Variants in FSIP1 observed in about 807,000 individuals in gnomAD.
The protein encoded by FSIP1 is fibrous sheath-interacting protein 1.
In FSIP1, 65 loss-of-function variants were observed where a neutral mutation model predicts 60.9. The ratio of observed to expected loss-of-function variants is 1.07; its 90% CI spans 0.87 to 1.31. The LOEUF (loss-of-function observed/expected upper bound fraction) is 1.31. Ranked by LOEUF, FSIP1 falls within the 40% of genes most tolerant of loss-of-function variation. The pLI is 0.00. For missense variants in FSIP1, 675 were observed against 665.5 expected (o/e 1.01, Z -0.16); for synonymous variants, 209 against 221.2 (o/e 0.94, Z 0.49).
At chr15:39,726,241 C>G (rs16969724) in intron 9 of FSIP1, among the ~76,000 whole-genome samples, 18,078 of 152,122 alleles carry the variant, frequency 0.12, 1,312 homozygotes, top group African/African-American at 0.2. Flanking sequence ...CAATGGCTGT[C>G]ATTGCTAATA....
chr15:39,611,841 A>T (rs1283503588), intron 11 of FSIP1, among the ~76,000 whole-genome samples: 1 of 152,246 alleles, frequency 6.6e-6, no homozygotes, highest in Non-Finnish European at 1.5e-5. Flanking sequence ...CATGCAAATG[A>T]AAACCAAAAG....
chr15:39,708,149 T>C lies in FSIP1; in HGVS notation c.1188+5295A>G, dbSNP rs930127466. Among the ~76,000 whole-genome samples, 68 of 152,174 alleles carry C rather than the reference T, an allele frequency of 4.5e-4. 3 individuals carry two copies. The highest frequency in any genetic ancestry group is 2.1e-4 in the South Asian group (1 of 4,828). On this transcript the variant is annotated intron_variant, in intron 10 of 11. Transcript: ENST00000350221. ...AACCTGGTGGAAAAACTCTTATCCA[T>C]GGCTAAAGCCACTACACCTAATACC...
At chr15:39,713,333 G>T in intron 10 of FSIP1, 111 bp downstream of exon 10, 1 of 892,612 alleles carries the variant, frequency 1.1e-6, no homozygotes, top group Non-Finnish European at 1.7e-6. Flanking sequence ...TTGGCAGGCT[G>T]AGGTGGGCAG....
At chr15:39,743,367 G>A (rs1011355832) in intron 5 of FSIP1, among the ~76,000 whole-genome samples, 3 of 152,136 alleles carry the variant, frequency 2.0e-5, no homozygotes, top group Non-Finnish European at 4.4e-5. Context: ...GCCATCAATC[G>A]GCTTTGAGTT....
At position 39,710,324 on chromosome 15, in the gene FSIP1, T is replaced by C. The variant is rs568243035; in HGVS notation, c.1188+3120A>G. 4.0e-5 allele frequency among the ~76,000 whole-genome samples: 6 copies of C among 149,924 alleles called. No homozygotes were observed. In the South Asian group the frequency reaches 1.3e-3, roughly 31 times the overall value. ...AAGGCAAACCCCCGTCTCTCCTAAA[T>C]ATAAAAAAATTAGCTGGTCATGGTG... is the stretch of plus-strand genomic sequence containing the variant. On this transcript the variant is annotated intron_variant, in intron 10 of 11. Transcript: ENST00000350221.
At chr15:39,732,235 C>A (rs1429474108) in intron 8 of FSIP1, among the ~76,000 whole-genome samples, 1 of 152,202 alleles carries the variant, frequency 6.6e-6, no homozygotes, top group Admixed American at 6.5e-5. Flanking sequence ...TCATCCCCTC[C>A]GGCTGTGCAG....
chr15:39,603,864 C>G (rs1278555589), intron 11 of FSIP1, among the ~76,000 whole-genome samples: 1 of 152,212 alleles, frequency 6.6e-6, no homozygotes, highest in Non-Finnish European at 1.5e-5. Context: ...GCTTCTCACT[C>G]TGTAACATGC....
intron 11 of FSIP1, among the ~76,000 whole-genome samples, chr15:39,610,313 T>C (rs1250905011): frequency 2.6e-5 from 4 of 152,278 alleles, no homozygotes; most frequent in East Asian, 1.9e-4. Context: ...CATCCAGGTA[T>C]AGAAAGCTCA....
intron 5 of FSIP1, among the ~76,000 whole-genome samples, chr15:39,744,626 G>C (rs1006429782): frequency 6.6e-6 from 1 of 152,104 alleles, no homozygotes; most frequent in Non-Finnish European, 1.5e-5. Context: ...GAACTGAGGG[G>C]AGACCCCGCA....
intron 5 of FSIP1, among the ~76,000 whole-genome samples, chr15:39,754,003 A>T (rs1419063452): frequency 6.6e-6 from 1 of 152,110 alleles, no homozygotes; most frequent in Non-Finnish European, 1.5e-5. Context: ...CATATAAATG[A>T]TAATATAAGA....
At chr15:39,729,244 A>G (rs1013262525) in intron 8 of FSIP1, among the ~76,000 whole-genome samples, 2 of 152,228 alleles carry the variant, frequency 1.3e-5, no homozygotes, top group African/African-American at 4.8e-5. Context: ...ATGGGTATAT[A>G]CCCAAAGGAA....
intron 10 of FSIP1, among the ~76,000 whole-genome samples, chr15:39,645,371 T>C (rs1246398200): frequency 6.6e-6 from 1 of 151,258 alleles, no homozygotes; most frequent in East Asian, 1.9e-4. Context: ...GAGAGCTACG[T>C]GCCTCTGCAG....
At chr15:39,712,121 A>G (rs575952098) in intron 10 of FSIP1, among the ~76,000 whole-genome samples, 1 of 152,346 alleles carries the variant, frequency 6.6e-6, no homozygotes, top group South Asian at 2.1e-4. Flanking sequence ...CTATAAAAAA[A>G]GCACGATGTA....
intron 10 of FSIP1, among the ~76,000 whole-genome samples, chr15:39,673,475 G>A (rs188967535): frequency 1.3e-5 from 2 of 151,214 alleles, no homozygotes; most frequent in East Asian, 3.9e-4. Flanking sequence ...CACCACACCT[G>A]GTTATTTTTT....
intron 10 of FSIP1, among the ~76,000 whole-genome samples, chr15:39,681,142 G>A (rs74916734): frequency 0.016 from 2,468 of 152,178 alleles, 55 homozygotes; most frequent in African/African-American, 0.056. Context: ...AAAAAAAATT[G>A]CATCATAGCA....
At chr15:39,648,448 G>C (rs758437356) in intron 10 of FSIP1, among the ~76,000 whole-genome samples, 2 of 152,150 alleles carry the variant, frequency 1.3e-5, no homozygotes, top group Non-Finnish European at 1.5e-5. Context: ...TGAGACATAC[G>C]CATCGTAAGT....
At chr15:39,769,463 C>T (rs1156948096) in intron 3 of FSIP1, among the ~76,000 whole-genome samples, 2 of 152,132 alleles carry the variant, frequency 1.3e-5, no homozygotes, top group Non-Finnish European at 2.9e-5. Context: ...ACCAGATACC[C>T]ATCTGAATGA....
intron 10 of FSIP1, among the ~76,000 whole-genome samples, chr15:39,656,283 T>A (rs944985734): frequency 6.6e-6 from 1 of 152,232 alleles, no homozygotes; most frequent in Non-Finnish European, 1.5e-5. Flanking sequence ...GGGCCATTTG[T>A]AAACAATTTA....
In FSIP1 at chr15:39,687,136, C is replaced by CTTTTTTTTTTTTTTTTTTTTTTTTTTTT. The variant is rs1491090328; in HGVS notation, c.1188+26307_1188+26308insAAAAAAAAAAAAAAAAAAAAAAAAAAAA. ...CACCTTTCTTTCTTTCTTTTCTTTT[C>CTTTTTTTTTTTTTTTTTTTTTTTTTTTT]CTTTTTTTTTTTTTTTTTTTTTTTT... On this transcript the variant is annotated intron_variant, in intron 10 of 11. Coordinates refer to ENST00000350221, the MANE Select transcript of FSIP1 (RefSeq NM_152597.5). Among the ~76,000 whole-genome samples, 6 of 47,732 alleles carry CTTTTTTTTTTTTTTTTTTTTTTTTTTTT rather than the reference C, an allele frequency of 1.3e-4. 3 individuals carry two copies. The highest frequency in any genetic ancestry group is 3.5e-4 in the African/African-American group (4 of 11,506). 31.3% of individuals were successfully genotyped at this position (47,732 alleles called of 152,430 possible).
Sources: allele counts gnomAD v4.1 joint callset (sites outside exome capture counted in the v4.1 genomes callset), GRCh38; gene constraint gnomAD v4.1.1; transcripts MANE v1.5; gene names NCBI Gene and HGNC (gene_info 2026-07-23, HGNC 2026-07-21).